The following PPP1R16B variants were observed in gnomAD, a reference collection of about 807,000 sequenced individuals.
The protein encoded by PPP1R16B is protein phosphatase 1 regulatory subunit 16B.
A neutral mutation model predicts 61.7 loss-of-function variants in PPP1R16B; 14 were observed. The observed-to-expected ratio is 0.23, with a 90% CI of 0.15 to 0.35. The LOEUF is 0.35. PPP1R16B is among the 10% of genes least tolerant of loss of function. The probability of loss-of-function intolerance (pLI) is 1.00; values close to 1 mark genes in which losing one functional copy is unlikely to be tolerated. For synonymous variants in PPP1R16B, 266 were observed against 305.3 expected (o/e 0.87, Z 1.34); for missense variants, 547 against 752.5 (o/e 0.73, Z 3.19).
In PPP1R16B at chr20:38,811,112, G is replaced by A. The variant is rs374515682; in HGVS notation, c.-102+5320G>A. ...TCAGAATCTAGAATGGCATTCCTTC[G>A]CCCACAGATGTGCCTTGATGCAGGC... On this transcript the variant is annotated intron_variant, in intron 1 of 10. Transcript: ENST00000299824. Among the ~76,000 whole-genome samples the A allele has an allele frequency of 1.4e-4, 21 of 152,158 alleles. 1 individual carries two copies. The highest frequency in any genetic ancestry group is 4.2e-4 in the South Asian group (2 of 4,818).
intron 2 of PPP1R16B, among the ~76,000 whole-genome samples, chr20:38,854,214 G>A (rs2084988381): frequency 6.6e-6 from 1 of 152,188 alleles, no homozygotes; most frequent in African/African-American, 2.4e-5. Flanking sequence ...TGGGAACCCC[G>A]GACTTTGGGT....
At chr20:38,810,836 A>G (rs1203984907) in intron 1 of PPP1R16B, among the ~76,000 whole-genome samples, 1 of 152,192 alleles carries the variant, frequency 6.6e-6, no homozygotes, top group East Asian at 1.9e-4. Context: ...GCAGCTTGTA[A>G]GTGACAGGAA....
intron 2 of PPP1R16B, among the ~76,000 whole-genome samples, chr20:38,869,195 G>A (rs1224634624): frequency 6.6e-6 from 1 of 151,242 alleles, no homozygotes; most frequent in Admixed American, 6.6e-5. Context: ...GTCTTGACGT[G>A]TCACCCAGGC....
chr20:38,883,015 A>G (rs1039580004), intron 2 of PPP1R16B, among the ~76,000 whole-genome samples: 3 of 152,204 alleles, frequency 2.0e-5, no homozygotes, highest in Non-Finnish European at 4.4e-5. Context: ...GGCAGGGACT[A>G]GATCATGCAA....
intron 1 of PPP1R16B, among the ~76,000 whole-genome samples, chr20:38,817,335 G>C (rs1422353591): frequency 6.6e-6 from 1 of 152,070 alleles, no homozygotes; most frequent in Non-Finnish European, 1.5e-5. Context: ...GGCCAAGCTG[G>C]GCGGATCACC....
intron 1 of PPP1R16B, among the ~76,000 whole-genome samples, chr20:38,813,721 C>T (rs570013246): frequency 2.9e-4 from 44 of 151,548 alleles, no homozygotes; most frequent in African/African-American, 1.0e-3. Context: ...TACTTAACTC[C>T]TTTAGTCCTC....
At chr20:38,839,670 C>T (rs1342908378) in intron 2 of PPP1R16B, among the ~76,000 whole-genome samples, 1 of 137,260 alleles carries the variant, frequency 7.3e-6, no homozygotes, top group Non-Finnish European at 1.5e-5. Context: ...ATCCTGGATA[C>T]ATTATTCTGC....
chr20:38,913,303 G>C (rs1419269508), intron 10 of PPP1R16B, among the ~76,000 whole-genome samples: 1 of 151,728 alleles, frequency 6.6e-6, no homozygotes, highest in Non-Finnish European at 1.5e-5. Context: ...TTGCTCTGTT[G>C]CCAGGCTGGA....
At chr20:38,905,302 G>A (rs1473252285) in intron 6 of PPP1R16B, among the ~76,000 whole-genome samples, 4 of 152,116 alleles carry the variant, frequency 2.6e-5, no homozygotes, top group Non-Finnish European at 4.4e-5. Context: ...CTGAAGGCTT[G>A]ACTGGTACTG....
At chr20:38,878,095 T>C (rs538028045) in intron 2 of PPP1R16B, among the ~76,000 whole-genome samples, 39 of 152,266 alleles carry the variant, frequency 2.6e-4, no homozygotes, top group Middle Eastern at 3.4e-3. Context: ...TTTCTTTTAT[T>C]ATTTCTTTCA....
rs189609960 is a variant in PPP1R16B at position 38,830,748 on chromosome 20, G to C, written c.-101-5077G>C. On this transcript the variant is annotated intron_variant, in intron 1 of 10. Coordinates refer to ENST00000299824, the MANE Select transcript of PPP1R16B (RefSeq NM_015568.4). ...GAAAAGCCTATATACCCTGCTCTCT[G>C]TGTGGGTCCATGTTACGTCAAGGCT... 3.0e-3 allele frequency among the ~76,000 whole-genome samples: 459 copies of C among 152,298 alleles called. 4 individuals are homozygous for C. The highest frequency in any genetic ancestry group is 0.01 in the African/African-American group (434 of 41,554).
At chr20:38,818,514 G>A (rs150476486) in intron 1 of PPP1R16B, among the ~76,000 whole-genome samples, 74 of 152,290 alleles carry the variant, frequency 4.9e-4, no homozygotes, top group African/African-American at 1.7e-3. Flanking sequence ...TTCCCTCCAA[G>A]GGAAATACAG....
At chr20:38,857,146 C>G (rs2145734099) in intron 2 of PPP1R16B, among the ~76,000 whole-genome samples, 1 of 152,326 alleles carries the variant, frequency 6.6e-6, no homozygotes, top group East Asian at 1.9e-4. Flanking sequence ...AATCAGACCT[C>G]ATTTGCACTG....
At chr20:38,863,660 C>T (rs369269563) in intron 2 of PPP1R16B, among the ~76,000 whole-genome samples, 3 of 152,168 alleles carry the variant, frequency 2.0e-5, no homozygotes, top group African/African-American at 7.2e-5. Context: ...TAACACCCAC[C>T]TCAAGGGAAT....
At position 38,900,793 on chromosome 20, in the gene PPP1R16B, G is replaced by A. The variant is rs372054632; in HGVS notation, c.571+109G>A. On this transcript the variant is annotated intron_variant, in intron 5 of 10. Coordinates refer to ENST00000299824, the MANE Select transcript of PPP1R16B (RefSeq NM_015568.4). ...AGCTACGCATCGGCCTGCCTCGTGC[G>A]CTGTGCTCAGTGAATAGGATGGGTC... is the stretch of plus-strand genomic sequence containing the variant. 1.8e-4 allele frequency: 133 copies of A among 753,894 alleles called. 1 individual carries two copies. In the African/African-American group the frequency reaches 1.9e-3, roughly 11 times the overall value. 46.7% of individuals were successfully genotyped at this position (753,894 alleles called of 1,614,324 possible).
chr20:38,835,746 A>G, intron 1 of PPP1R16B, 79 bp from the exon 2 acceptor site: 1 of 723,558 alleles, frequency 1.4e-6, no homozygotes, highest in South Asian at 2.3e-5. Context: ...CGTTTCGAAC[A>G]CGGGGCGTTG....
At position 38,906,980 on chromosome 20, in the gene PPP1R16B, T is replaced by C; in HGVS notation, c.824T>C (p.Met275Thr). 3 of 1,613,794 alleles carry C rather than the reference T, an allele frequency of 1.9e-6. No homozygotes were observed. The highest frequency in any genetic ancestry group is 2.5e-6 in the Non-Finnish European group (3 of 1,179,672). Residue 275 changes from methionine to threonine, a missense_variant and splice_region_variant, in exon 8 of 11, where the codon ATG (methionine) becomes ACG (threonine). Physicochemically the swap from Met to Thr is moderately conservative, Grantham distance 81. Coordinates refer to ENST00000299824, the MANE Select transcript of PPP1R16B (RefSeq NM_015568.4). The stretch of plus-strand genomic sequence containing the variant: ...CATGAGCTTCTTCCTGTGTTTCAGA[T>C]GCAGATGGCAGAGCTATTGGTGTCC... ...PLHAAAFWGQ[M>T]QMAELLVSHG...
chr20:38,858,965 C>T (rs939535498), intron 2 of PPP1R16B, among the ~76,000 whole-genome samples: 12 of 152,210 alleles, frequency 7.9e-5, no homozygotes, highest in Middle Eastern at 3.2e-3. Flanking sequence ...AGCCTCTCTA[C>T]GATGGTGGCC....
rs2085455453 is a variant in PPP1R16B at position 38,907,706 on chromosome 20, T to C, written c.899-100T>C. The stretch of plus-strand genomic sequence containing the variant: ...TGCATGCCCTGAAAGATGCTTGGAG[T>C]TTTCAGTGGGTTGGGGTGGCAGCTC... On this transcript the variant is annotated intron_variant, in intron 8 of 10. Coordinates refer to ENST00000299824, the MANE Select transcript of PPP1R16B (RefSeq NM_015568.4). The surrounding 1 kb of genome is among the most constrained non-coding windows in gnomAD (Gnocchi z 4.5). The C allele has an allele frequency of 3.4e-6, 5 of 1,455,026 alleles. No individual in the cohort carries two copies. The highest frequency in any genetic ancestry group is 2.8e-6 in the Non-Finnish European group (3 of 1,065,384). 90.1% of individuals were successfully genotyped at this position (1,455,026 alleles called of 1,614,324 possible).
Sources: allele counts gnomAD v4.1 joint callset (sites outside exome capture counted in the v4.1 genomes callset), GRCh38; gene constraint gnomAD v4.1.1; non-coding constraint Gnocchi (gnomAD v3.1); transcripts MANE v1.5; gene names NCBI Gene and HGNC (gene_info 2026-07-23, HGNC 2026-07-21).